The following SCAPER variants were observed in gnomAD, a reference collection of about 807,000 sequenced individuals.
SCAPER encodes the protein S phase cyclin A-associated protein in the endoplasmic reticulum.
A neutral mutation model predicts 182.2 loss-of-function variants in SCAPER; 98 were observed. That is an observed-to-expected ratio of 0.54 (90% confidence interval 0.46 to 0.64). The LOEUF (loss-of-function observed/expected upper bound fraction) is 0.64. SCAPER is among the 30% of genes least tolerant of loss of function. The pLI, the probability that SCAPER is intolerant of heterozygous loss-of-function variation, is 0.00. For missense variants in SCAPER, 1,432 were observed against 1,690.0 expected, an observed-to-expected ratio of 0.85 and a Z score of 2.68; for synonymous variants, 605 against 564.6, an observed-to-expected ratio of 1.07 and a Z score of -1.01.
At chr15:76,576,160 G>C (rs897229682) in intron 22 of SCAPER, among the ~76,000 whole-genome samples, 1 of 152,126 alleles carries the variant, frequency 6.6e-6, no homozygotes, top group African/African-American at 2.4e-5. Context: ...CCAGGAATCT[G>C]AGATCAGCCT....
At chr15:76,428,894 A>ATATATATATATATATATATATATATAT (rs71143324) in intron 26 of SCAPER, among the ~76,000 whole-genome samples, 86 of 138,034 alleles carry the variant, frequency 6.2e-4, no homozygotes, top group East Asian at 1.1e-3. Context: ...ATATATATAT[A>ATATATATATATATATATATATATATAT]AACATCAAAA....
chr15:76,772,960 A>T (rs1270665109), intron 9 of SCAPER, among the ~76,000 whole-genome samples: 2 of 151,908 alleles, frequency 1.3e-5, no homozygotes, highest in East Asian at 1.9e-4. Flanking sequence ...TAAGTCTCAT[A>T]AACTACTTTA....
intron 26 of SCAPER, among the ~76,000 whole-genome samples, chr15:76,430,771 ATAAGT>A (rs2046808537): frequency 1.3e-5 from 2 of 152,204 alleles, no homozygotes; most frequent in Non-Finnish European, 1.5e-5. Flanking sequence ...TAATGCTGAA[ATAAGT>A]TAAGACTTTG....
chr15:76,722,362 C>G (rs1168528764), intron 17 of SCAPER, among the ~76,000 whole-genome samples: 5 of 152,188 alleles, frequency 3.3e-5, no homozygotes, highest in Non-Finnish European at 7.3e-5. Flanking sequence ...CATCAATGTT[C>G]ATCAAGGATA....
At chr15:76,743,940 C>A (rs1194133322) in intron 15 of SCAPER, among the ~76,000 whole-genome samples, 2 of 152,094 alleles carry the variant, frequency 1.3e-5, no homozygotes, top group Non-Finnish European at 2.9e-5. Context: ...ACAAAACAGA[C>A]ACACAGACCA....
intron 23 of SCAPER, among the ~76,000 whole-genome samples, chr15:76,518,737 G>A (rs571516321): frequency 2.0e-5 from 3 of 152,186 alleles, no homozygotes; most frequent in Admixed American, 6.5e-5. Context: ...CTTTCAGCAC[G>A]GGGACTTCAA....
chr15:76,446,556 T>C (rs2048014690), intron 25 of SCAPER, among the ~76,000 whole-genome samples: 1 of 152,210 alleles, frequency 6.6e-6, no homozygotes, highest in Non-Finnish European at 1.5e-5. Context: ...TTTGCACATA[T>C]AGGGAACTGA....
intron 21 of SCAPER, among the ~76,000 whole-genome samples, chr15:76,646,816 T>C (rs2054587084): frequency 6.6e-6 from 1 of 152,226 alleles, no homozygotes; most frequent in East Asian, 1.9e-4. Flanking sequence ...TTAAAATATA[T>C]GCTAGTTCTG....
chr15:76,733,245 C>T lies in SCAPER; in HGVS notation c.2006G>A (p.Arg669His), dbSNP rs754780807. The stretch of plus-strand genomic sequence containing the variant: ...AAATCCTACCTGCACAGCTTCATCA[C>T]GTGCTTGCTTTTCTTCCTGTCTTCT... ...RQRRQEEKQA[R>H]DEAVQERKRA... The change falls in exon 16 of 32, where the codon CGT (arginine) becomes CAT (histidine). Residue 669 changes from arginine (R) to histidine (H), a missense_variant. Around this residue, in one of 5 missense-constraint regions of SCAPER, gnomAD observed 88 missense variants for 184.2 expected, o/e 0.48. Transcript: ENST00000563290. 14 of 1,578,368 alleles carry T rather than the reference C, an allele frequency of 8.9e-6. No individual in the cohort carries two copies. The highest frequency in any genetic ancestry group is 2.3e-5 in the East Asian group (1 of 43,534).
intron 2 of SCAPER, among the ~76,000 whole-genome samples, chr15:76,880,387 C>A (rs369202261): frequency 1.4e-4 from 22 of 152,296 alleles, no homozygotes; most frequent in African/African-American, 5.3e-4. Context: ...TAATTATTTT[C>A]TCCTCTTCCC....
At chr15:76,697,429 A>G (rs2147205128) in intron 20 of SCAPER, among the ~76,000 whole-genome samples, 1 of 152,334 alleles carries the variant, frequency 6.6e-6, no homozygotes, top group East Asian at 1.9e-4. Context: ...GGCTAAACAT[A>G]AGACTGCTAT....
At chr15:76,486,571 T>C (rs2051672563) in intron 24 of SCAPER, among the ~76,000 whole-genome samples, 1 of 152,088 alleles carries the variant, frequency 6.6e-6, no homozygotes, top group Non-Finnish European at 1.5e-5. Flanking sequence ...TTTCTAAAGA[T>C]GACATACATG....
rs372181217 is a variant in SCAPER, at chr15:76,892,871, C to T, written c.-59-8995G>A. 3.2e-4 allele frequency among the ~76,000 whole-genome samples: 49 copies of T among 152,256 alleles called. 1 individual carries two copies. The highest frequency in any genetic ancestry group is 2.7e-3 in the East Asian group (14 of 5,182). ...ATGCTACTATAAAGACACATGCACA[C>T]GTATGTTTACTGCAGCACTGTTCAC... On this transcript the variant is annotated intron_variant, in intron 1 of 31. Coordinates refer to ENST00000563290, the MANE Select transcript of SCAPER (RefSeq NM_020843.4).
intron 25 of SCAPER, among the ~76,000 whole-genome samples, chr15:76,447,713 A>C (rs1005545091): frequency 4.6e-5 from 7 of 152,208 alleles, no homozygotes; most frequent in African/African-American, 1.7e-4. Flanking sequence ...TCTGAACTAC[A>C]AAACACATTA....
intron 26 of SCAPER, among the ~76,000 whole-genome samples, chr15:76,421,511 C>T (rs1443466249): frequency 6.6e-6 from 1 of 152,062 alleles, no homozygotes; most frequent in African/African-American, 2.4e-5. Flanking sequence ...TTTGTAGATT[C>T]TGGATATTAG....
intron 23 of SCAPER, among the ~76,000 whole-genome samples, chr15:76,528,457 T>G (rs1253258340): frequency 6.6e-6 from 1 of 152,200 alleles, no homozygotes; most frequent in Non-Finnish European, 1.5e-5. Flanking sequence ...CAGAGAGGAA[T>G]CTGTTATTTT....
At chr15:76,842,131 G>A (rs2069539443) in intron 4 of SCAPER, among the ~76,000 whole-genome samples, 200 bp from the exon 5 acceptor site, 1 of 151,990 alleles carries the variant, frequency 6.6e-6, no homozygotes, top group Non-Finnish European at 1.5e-5. Flanking sequence ...CATTTACATT[G>A]CATTAGGTAT....
At chr15:76,452,873 C>T (rs558821294) in intron 25 of SCAPER, among the ~76,000 whole-genome samples, 9 of 151,612 alleles carry the variant, frequency 5.9e-5, no homozygotes, top group Non-Finnish European at 1.2e-4. Flanking sequence ...TAGAGTTGCC[C>T]GGGGTAGAAT....
intron 21 of SCAPER, among the ~76,000 whole-genome samples, chr15:76,628,382 G>T (rs961931093): frequency 6.6e-6 from 1 of 152,084 alleles, no homozygotes; most frequent in African/African-American, 2.4e-5. Flanking sequence ...TACTACTGAG[G>T]TTGTCTTCCA....
Sources: allele counts gnomAD v4.1 joint callset (sites outside exome capture counted in the v4.1 genomes callset), GRCh38; gene constraint gnomAD v4.1.1; regional missense constraint gnomAD v4.1.1; transcripts MANE v1.5; gene names NCBI Gene and HGNC (gene_info 2026-07-23, HGNC 2026-07-21).